Variants in SLC22A7 observed in about 807,000 individuals in gnomAD.
SLC22A7 encodes hOAT2.
Under a neutral mutation model 62.2 loss-of-function variants are expected in SLC22A7, and 48 were observed. The ratio of observed to expected loss-of-function variants is 0.77; its 90% CI spans 0.61 to 0.98. SLC22A7 has a LOEUF of 0.98. SLC22A7 is among the 50% of genes least tolerant of loss of function. The pLI, the probability that SLC22A7 is intolerant of heterozygous loss-of-function variation, is 0.00. For missense variants in SLC22A7, 581 were observed against 703.8 expected (o/e 0.83, Z 1.97); for synonymous variants, 276 against 314.8 (o/e 0.88, Z 1.30).
intron 10 of SLC22A7, 141 bp downstream of exon 10, chr6:43,304,385 G>T: frequency 1.3e-6 from 1 of 767,394 alleles, no homozygotes; most frequent in Non-Finnish European, 2.0e-6. Flanking sequence ...GCGTGCACAG[G>T]TGAGTGTTTC....
intron 1 of SLC22A7, 119 bp downstream of exon 1, chr6:43,298,870 C>G: frequency 1.4e-6 from 2 of 1,408,288 alleles, no homozygotes; most frequent in Non-Finnish European, 1.9e-6. Context: ...GTTTACCAAT[C>G]TGTAGATGGG....
At chr6:43,301,331 C>T in intron 6 of SLC22A7, 73 bp downstream of exon 6, 1 of 1,590,486 alleles carries the variant, frequency 6.3e-7, no homozygotes, top group East Asian at 2.2e-5. Context: ...GTGCCTCCCT[C>T]CCAGAGCCCA....
Position 43,299,062 on chromosome 6 carries a change from G to A in SLC22A7, c.394-30G>A, listed in dbSNP as rs1489198424. The A allele has an allele frequency of 6.4e-7, 1 of 1,563,326 alleles. No homozygotes were observed. Among genetic ancestry groups the A allele is most frequent in the Admixed American group, 1.9e-5 (1 of 53,636 alleles). ...CAGCAAGAGGTGGAGAAACAATAGA[G>A]GCCTTCTTTTCTCCCTTCCTCTTTT... On this transcript the variant is annotated intron_variant, in intron 1 of 10. Transcript: ENST00000372585. The surrounding 1 kb of genome is among the most constrained non-coding windows in gnomAD (Gnocchi z 4.4).
Position 43,304,795 on chromosome 6 carries a change from G to C in SLC22A7, c.*70G>C, listed in dbSNP as rs1190044920. 2 of 1,286,280 alleles carry C rather than the reference G, an allele frequency of 1.6e-6. No individual in the cohort carries two copies. Among genetic ancestry groups the C allele is most frequent in the East Asian group, 5.2e-5 (2 of 38,484 alleles). The allele number at this position is 1,286,280 out of a possible 1,614,324, so 79.7% of individuals were successfully genotyped here. On this transcript the variant is annotated 3_prime_UTR_variant, in exon 11 of 11. Coordinates refer to ENST00000372585, the MANE Select transcript of SLC22A7 (RefSeq NM_153320.2). ...CTGGGAGAGCAGAAGGGCAGGCCCT[G>C]CAACTCAGGCTGGGAGTATCGAACC...
chr6:43,303,530 A>G (rs1164067334), intron 9 of SLC22A7, among the ~76,000 whole-genome samples: 6 of 152,088 alleles, frequency 3.9e-5, no homozygotes, highest in Non-Finnish European at 8.8e-5. Context: ...AAGAAGCCCC[A>G]TCCTGCCCAC....
rs375340158 is a variant in SLC22A7 at position 43,304,149 on chromosome 6, G to C, written c.1497G>C (p.Gly499=). 3.1e-6 allele frequency: 5 copies of C among 1,606,524 alleles called. No individual in the cohort carries two copies. The highest frequency in any genetic ancestry group is 4.3e-6 in the Non-Finnish European group (5 of 1,175,328). ...VWLSLPKLTY[G]GIALLAAGTA... ...TGTCACTGCCCAAGCTTACTTATGG[G>C]GGGATCGCCCTGCTGGCTGCCGGCA... Residue 499 remains glycine, a synonymous_variant, in exon 10 of 11, where the codon GGG becomes GGC. Transcript: ENST00000372585.
Position 43,299,364 on chromosome 6 carries a change from A to G in SLC22A7, c.400-26A>G, listed in dbSNP as rs983261543. ...CTGGAGAGGGGCTGATGTTCATAGG[A>G]GGTCCCTTTCTGCCTGTCCTTGCAG... On this transcript the variant is annotated intron_variant, in intron 2 of 10. Transcript: ENST00000372585. The surrounding 1 kb of genome is among the most constrained non-coding windows in gnomAD (Gnocchi z 4.4). 1.2e-6 allele frequency: 2 copies of G among 1,612,942 alleles called. No homozygotes were observed. The highest frequency in any genetic ancestry group is 1.7e-6 in the Non-Finnish European group (2 of 1,178,958).
chr6:43,296,356 C>G (rs1021915404), upstream of SLC22A7, among the ~76,000 whole-genome samples: 2 of 152,228 alleles, frequency 1.3e-5, no homozygotes, highest in Non-Finnish European at 2.9e-5. Context: ...TGAGGTTGGC[C>G]TCGTTAGCTG....
chr6:43,304,233 GGAGA>G lies in SLC22A7; in HGVS notation c.1584_1587del (p.Lys530ValfsTer13). 1 of 1,563,208 alleles carries G rather than the reference GGAGA, an allele frequency of 6.4e-7. No individual in the cohort carries two copies. The highest frequency in any genetic ancestry group is 1.2e-5 in the South Asian group (1 of 84,748). On this transcript the variant is annotated frameshift_variant, in exon 10 of 11. Transcript: ENST00000372585. LOFTEE classifies it high-confidence loss of function. ...AGCTGCCAGAGACCATCCAGGACGT[GGAGA>G]GAAAGAGGTGTGTGCACAGGACTGT...
At chr6:43,296,152 G>A (rs1271129729), upstream of SLC22A7, among the ~76,000 whole-genome samples, 1 of 152,306 alleles carries the variant, frequency 6.6e-6, no homozygotes, top group East Asian at 1.9e-4. Context: ...TGACCCACCC[G>A]CCTTGGCCTC....
At position 43,301,275 on chromosome 6, in the gene SLC22A7, G is replaced by T; in HGVS notation, c.951+17G>T. ...AGCCAGGAGGTGAGGGTGAACGTGT[G>T]TGTGAGCATGCATATATGTGTGTGG... On this transcript the variant is annotated intron_variant, in intron 6 of 10. Coordinates refer to ENST00000372585, the MANE Select transcript of SLC22A7 (RefSeq NM_153320.2). 1 of 1,613,980 alleles carries T rather than the reference G, an allele frequency of 6.2e-7. No homozygotes were observed. The highest frequency in any genetic ancestry group is 8.5e-7 in the Non-Finnish European group (1 of 1,180,014).
chr6:43,302,674 T>C lies in SLC22A7; in HGVS notation c.1296T>C (p.Thr432=), dbSNP rs752766338. Residue 432 remains threonine, a synonymous_variant, in exon 9 of 11, where the codon ACT becomes ACC. Transcript: ENST00000372585. This position sits in a 1 kb window ranked among gnomAD's most constrained non-coding sequence, Gnocchi z 5.0. ...LVSSDMKSWS[T]VLAVMGKAFS... is the part of the protein sequence containing the mutation. ...CTCCAGATATGAAGTCCTGGAGCAC[T>C]GTCCTGGCAGTGATGGGGAAAGCTT... 1.0e-5 allele frequency: 16 copies of C among 1,604,620 alleles called. No homozygotes were observed. In the East Asian group the frequency reaches 3.1e-4, roughly 31 times the overall value.
Position 43,299,126 on chromosome 6 carries a change from T to C in SLC22A7, c.399+29T>C. 1 of 1,613,736 alleles carries C rather than the reference T, an allele frequency of 6.2e-7. No homozygotes were observed. The highest frequency in any genetic ancestry group is 8.5e-7 in the Non-Finnish European group (1 of 1,179,852). ...GGTATTTACATAATCCATCTGGAGG[T>C]GGAATGTCGGTGGAGGCAGTCTCCC... On this transcript the variant is annotated intron_variant, in intron 2 of 10. Transcript: ENST00000372585. This position sits in a 1 kb window ranked among gnomAD's most constrained non-coding sequence, Gnocchi z 4.4.
rs1193352423 is a variant in SLC22A7, at chr6:43,301,253, C to A, written c.946C>A (p.Gln316Lys). The change falls in exon 6 of 11, where the codon CAG becomes AAG. Residue 316 changes from glutamine to lysine, a missense_variant. Gln to Lys is a moderately conservative substitution (Grantham distance 53). Coordinates refer to ENST00000372585, the MANE Select transcript of SLC22A7 (RefSeq NM_153320.2). ...GCCAGTGTGTGAGGACAGCTTCAGCCAGGAGGTGAGGGTGAACGTGTGTGT... is the reference window on the plus strand; with the variant it reads ...GCCAGTGTGTGAGGACAGCTTCAGCAAGGAGGTGAGGGTGAACGTGTGTGT... The part of the protein sequence containing the change: ...GRPVCEDSFS[Q>K]EAVSKVAAGE... 1 of 1,614,120 alleles carries A rather than the reference C, an allele frequency of 6.2e-7. No individual in the cohort carries two copies. The highest frequency in any genetic ancestry group is 1.7e-5 in the Admixed American group (1 of 60,020).
chr6:43,298,463 C>T lies in SLC22A7; in HGVS notation c.105C>T (p.Phe35=). ...CCCGAGTGCTGCTACCACTGCACTTCCTCCTGCCCATCTTCCTGGCTGCCG... is the reference window on the plus strand; with the variant it reads ...CCCGAGTGCTGCTACCACTGCACTTTCTCCTGCCCATCTTCCTGGCTGCCG... ...ALPRVLLPLH[F]LLPIFLAAVP... Residue 35 remains phenylalanine (F), a synonymous_variant, in exon 1 of 11, where the codon TTC becomes TTT. Coordinates refer to ENST00000372585, the MANE Select transcript of SLC22A7 (RefSeq NM_153320.2). 6.8e-6 allele frequency: 11 copies of T among 1,613,886 alleles called. No individual in the cohort carries two copies. The highest frequency in any genetic ancestry group is 9.3e-6 in the Non-Finnish European group (11 of 1,180,048).
chr6:43,298,452 C>T lies in SLC22A7; in HGVS notation c.94C>T (p.Pro32Ser). Residue 32 changes from proline (P) to serine (S), a missense_variant, in exon 1 of 11, where the codon CCA (proline) becomes TCA (serine). Physicochemically the swap from Pro to Ser is moderately conservative, Grantham distance 74. Coordinates refer to ENST00000372585, the MANE Select transcript of SLC22A7 (RefSeq NM_153320.2). ...GCTGGCCCTGCCCCGAGTGCTGCTA[C>T]CACTGCACTTCCTCCTGCCCATCTT... Reference protein sequence around the residue: ...ALLALPRVLLPLHFLLPIFLA... With the variant: ...ALLALPRVLLSLHFLLPIFLA... The T allele has an allele frequency of 6.2e-7, 1 of 1,613,994 alleles. No individual in the cohort carries two copies. Among genetic ancestry groups the T allele is most frequent in the African/African-American group, 1.3e-5 (1 of 75,070 alleles).
At chr6:43,303,237 G>A (rs1043281104) in intron 9 of SLC22A7, 1 of 818,436 alleles carries the variant, frequency 1.2e-6, no homozygotes, top group Admixed American at 6.2e-5. Flanking sequence ...AAGGCGGGCG[G>A]ATCACTGAAG....
chr6:43,304,722 C>A lies in SLC22A7; in HGVS notation c.1644C>A (p.Asn548Lys), dbSNP rs778304607. ...EEEMPMKQVQ[N>K] Reference sequence around the variant, plus strand: ...AGATGCCCATGAAGCAGGTCCAGAACTAAGTGGGAGTGGAGGCAGGCCCTC... The same window carrying A: ...AGATGCCCATGAAGCAGGTCCAGAAATAAGTGGGAGTGGAGGCAGGCCCTC... Residue 548 changes from asparagine to lysine, a missense_variant, in exon 11 of 11, where the codon AAC (asparagine) becomes AAA (lysine). By Grantham distance (94) the Asn-to-Lys change is moderately conservative. Transcript: ENST00000372585. The A allele has an allele frequency of 6.3e-7, 1 of 1,581,248 alleles. No homozygotes were observed. Among genetic ancestry groups the A allele is most frequent in the South Asian group, 1.1e-5 (1 of 88,508 alleles).
At chr6:43,297,061 CT>C (rs1778579462), upstream of SLC22A7, among the ~76,000 whole-genome samples, 1 of 151,908 alleles carries the variant, frequency 6.6e-6, no homozygotes, top group Admixed American at 6.5e-5. Flanking sequence ...TTGTCACCCC[CT>C]GTCACTGCCA....
Sources: gnomAD v4.1 joint callset for allele counts (sites outside exome capture counted in the v4.1 genomes callset) on GRCh38, gnomAD v4.1.1 for gene constraint, Gnocchi (gnomAD v3.1) non-coding constraint, MANE v1.5 for transcripts, NCBI Gene and HGNC (gene_info 2026-07-23, HGNC 2026-07-21) for gene names.